ZFYVE28: variants seen among roughly 807,000 people sequenced by gnomAD.
ZFYVE28 encodes lateral signaling target protein 2 homolog.
In ZFYVE28, 40 loss-of-function variants were observed where a neutral mutation model predicts 82.1. The ratio of observed to expected loss-of-function variants is 0.49; its 90% confidence interval spans 0.38 to 0.63. ZFYVE28 has a LOEUF of 0.63. Among genes scored for constraint, ZFYVE28 ranks in the 30% least tolerant of loss-of-function variants. The pLI is 0.00. For missense variants in ZFYVE28, 1,321 were observed against 1,242.1 expected, an observed-to-expected ratio of 1.06 and a Z score of -0.96; for synonymous variants, 612 against 546.1, an observed-to-expected ratio of 1.12 and a Z score of -1.68.
At position 2,339,781 on chromosome 4, in the gene ZFYVE28, G is replaced by A. The variant is rs532455893; in HGVS notation, c.319-126C>T. On this transcript the variant is annotated intron_variant, in intron 3 of 12. Coordinates refer to ENST00000290974, the MANE Select transcript of ZFYVE28 (RefSeq NM_020972.3). This position sits in a 1 kb window ranked among gnomAD's most constrained non-coding sequence, Gnocchi z 5.0. ...CTCACCCCACAGCACAGGCCAGCTC[G>A]TGTTCCCGGTCCCCGCAGGAGGTTT... is the stretch of plus-strand genomic sequence containing the variant. 17 of 792,286 alleles carry A rather than the reference G, an allele frequency of 2.1e-5. No individual in the cohort carries two copies. Among genetic ancestry groups the A allele is most frequent in the East Asian group, 1.9e-4 (7 of 37,180 alleles). The allele number at this position is 792,286 out of a possible 1,614,324, so 49.1% of individuals were successfully genotyped here.
intron 1 of ZFYVE28, among the ~76,000 whole-genome samples, chr4:2,402,768 T>C (rs1323301981): frequency 6.6e-6 from 1 of 152,182 alleles, no homozygotes. Context: ...CCACATCTAA[T>C]GATACACCAG....
rs1314363243 is a variant in ZFYVE28, at chr4:2,362,309, C to T, written c.40-8236G>A. 6.6e-6 allele frequency among the ~76,000 whole-genome samples: 1 copy of T among 152,134 alleles called. No homozygotes were observed. Among genetic ancestry groups the T allele is most frequent in the African/African-American group, 2.4e-5 (1 of 41,416 alleles). On this transcript the variant is annotated intron_variant, in intron 1 of 12. Coordinates refer to ENST00000290974, the MANE Select transcript of ZFYVE28 (RefSeq NM_020972.3). This position sits in a 1 kb window ranked among gnomAD's most constrained non-coding sequence, Gnocchi z 5.1. Reference sequence around the variant, plus strand: ...TAAAGCCTGGGACTTCTCGCTCCAGCACCAGGAATCCAAGAGCATCGCAAA... The same window carrying T: ...TAAAGCCTGGGACTTCTCGCTCCAGTACCAGGAATCCAAGAGCATCGCAAA...
intron 7 of ZFYVE28, chr4:2,307,166 C>T (rs1181720804): frequency 2.0e-5 from 3 of 152,134 alleles, no homozygotes; most frequent in African/African-American, 2.4e-5. Flanking sequence ...CCAATGAAGT[C>T]GGTCACAGTT....
Position 2,319,574 on chromosome 4 carries a change from C to T in ZFYVE28, c.803+596G>A, listed in dbSNP as rs182961376. On this transcript the variant is annotated intron_variant, in intron 7 of 12. Coordinates refer to ENST00000290974, the MANE Select transcript of ZFYVE28 (RefSeq NM_020972.3). ...CCCAGGCCACAGAGCCAGGGTGGCA[C>T]ATGGAGGACATGTGCCATGGGCTTC... 5.0e-3 allele frequency among the ~76,000 whole-genome samples: 758 copies of T among 152,276 alleles called. 8 individuals carry two copies. The highest frequency in any genetic ancestry group is 0.017 in the African/African-American group (710 of 41,548).
intron 1 of ZFYVE28, among the ~76,000 whole-genome samples, chr4:2,402,250 G>A (rs921426756): frequency 2.6e-5 from 4 of 152,298 alleles, no homozygotes; most frequent in South Asian, 4.1e-4. Context: ...CCTGCTGGGT[G>A]GGCGGGGCCC....
Position 2,382,425 on chromosome 4 carries a change from C to T in ZFYVE28, c.40-28352G>A, listed in dbSNP as rs185178333. Among the ~76,000 whole-genome samples the T allele has an allele frequency of 3.6e-3, 545 of 152,338 alleles. 9 individuals carry two copies. The highest frequency in any genetic ancestry group is 0.011 in the African/African-American group (466 of 41,582). On this transcript the variant is annotated intron_variant, in intron 1 of 12. Transcript: ENST00000290974. ...GTCACAGGGGTGGAGCTGCCCAAGA[C>T]GATGGGAACCCACCTCTTGCACCAG...
chr4:2,307,516 T>C (rs747906808), intron 7 of ZFYVE28, among the ~76,000 whole-genome samples: 35 of 147,716 alleles, frequency 2.4e-4, no homozygotes, highest in Non-Finnish European at 4.9e-4. Flanking sequence ...TTTTAAGTCA[T>C]GGTCTTGCTC....
At chr4:2,398,692 G>GTA (rs1560337861) in intron 1 of ZFYVE28, among the ~76,000 whole-genome samples, 1 of 4,478 alleles carries the variant, frequency 2.2e-4, no homozygotes, top group African/African-American at 8.9e-4. Context: ...GGGCACAATG[G>GTA]GGGGTCGAGA....
intron 1 of ZFYVE28, among the ~76,000 whole-genome samples, chr4:2,412,163 G>A (rs1732590852): frequency 6.6e-6 from 1 of 152,276 alleles, no homozygotes; most frequent in Non-Finnish European, 1.5e-5. Flanking sequence ...CCAAGTACCC[G>A]CCACCTACCA....
At chr4:2,349,283 C>T (rs1018781810) in intron 2 of ZFYVE28, among the ~76,000 whole-genome samples, 6 of 147,828 alleles carry the variant, frequency 4.1e-5, no homozygotes, top group Non-Finnish European at 7.4e-5. Flanking sequence ...ATGCAAACAC[C>T]GCATATTCTC....
intron 7 of ZFYVE28, among the ~76,000 whole-genome samples, chr4:2,319,254 T>C (rs1718683717): frequency 6.6e-6 from 1 of 151,986 alleles, no homozygotes; most frequent in African/African-American, 2.4e-5. Flanking sequence ...GGTCCAGGGC[T>C]CACATCCCCC....
chr4:2,302,876 A>C (rs1475577661), intron 8 of ZFYVE28, among the ~76,000 whole-genome samples: 1 of 152,236 alleles, frequency 6.6e-6, no homozygotes, highest in East Asian at 1.9e-4. Flanking sequence ...CACACACCAC[A>C]GATGTTTCTC....
rs551164233 is a variant in ZFYVE28, at chr4:2,300,611, C to T, written c.2051+3678G>A. On this transcript the variant is annotated intron_variant, in intron 8 of 12. Transcript: ENST00000290974. This position sits in a 1 kb window ranked among gnomAD's most constrained non-coding sequence, Gnocchi z 4.6. ...TGCCAACCCACCTCCTGCGTGCATC[C>T]GTCCCCTGGCTGGTGGCTGGGAAGC... 3.9e-5 allele frequency among the ~76,000 whole-genome samples: 6 copies of T among 152,086 alleles called. No homozygotes were observed. The highest frequency in any genetic ancestry group is 9.7e-5 in the African/African-American group (4 of 41,398).
At chr4:2,292,434 G>A (rs1282496373) in intron 8 of ZFYVE28, among the ~76,000 whole-genome samples, 2 of 152,188 alleles carry the variant, frequency 1.3e-5, no homozygotes, top group Non-Finnish European at 2.9e-5. Flanking sequence ...GGGTCTACAA[G>A]CAGGTCCCCT....
At chr4:2,276,758 C>T (rs1277889292) in intron 8 of ZFYVE28, among the ~76,000 whole-genome samples, 1 of 151,898 alleles carries the variant, frequency 6.6e-6, no homozygotes, top group East Asian at 1.9e-4. Context: ...TGAGAGCCGT[C>T]ACGTTCATAC....
Position 2,300,812 on chromosome 4 carries a change from G to A in ZFYVE28, c.2051+3477C>T, listed in dbSNP as rs534528390. On this transcript the variant is annotated intron_variant, in intron 8 of 12. Transcript: ENST00000290974. The surrounding 1 kb of genome is among the most constrained non-coding windows in gnomAD (Gnocchi z 4.6). ...GCCGTGAATCAAGGCCGTGCCCACT[G>A]TTCCCTCTGAACCGTCCACGCCACA... is the stretch of plus-strand genomic sequence containing the variant. Among the ~76,000 whole-genome samples the A allele has an allele frequency of 6.6e-6, 1 of 152,294 alleles. No individual in the cohort carries two copies. The highest frequency in any genetic ancestry group is 2.4e-5 in the African/African-American group (1 of 41,560).
chr4:2,283,922 G>C (rs1422690583), intron 8 of ZFYVE28, among the ~76,000 whole-genome samples: 2 of 152,180 alleles, frequency 1.3e-5, no homozygotes, highest in African/African-American at 4.8e-5. Context: ...TGCTGGGAGA[G>C]ACCAGGCAGA....
chr4:2,304,240 C>T (rs777970163), intron 8 of ZFYVE28, 49 bp downstream of exon 8: 10 of 1,506,800 alleles, frequency 6.6e-6, no homozygotes, highest in East Asian at 4.5e-5. Flanking sequence ...GCACCTGCCC[C>T]CCAGTGCAGA....
chr4:2,337,406 C>A lies in ZFYVE28; in HGVS notation c.611+1G>T. ...CAGCCCCTAAGCATCCCTGTGCTCA[C>A]CTCTCCACCGTCTCGCAGAAGAGCA... On this transcript the variant is annotated splice_donor_variant, in intron 5 of 12. Coordinates refer to ENST00000290974, the MANE Select transcript of ZFYVE28 (RefSeq NM_020972.3). LOFTEE classifies it high-confidence loss of function. 6.2e-7 allele frequency: 1 copy of A among 1,601,486 alleles called. No homozygotes were observed. The highest frequency in any genetic ancestry group is 8.5e-7 in the Non-Finnish European group (1 of 1,173,324).
Sources: allele counts gnomAD v4.1 joint callset (sites outside exome capture counted in the v4.1 genomes callset), GRCh38; gene constraint gnomAD v4.1.1; non-coding constraint Gnocchi (gnomAD v3.1); transcripts MANE v1.5; gene names NCBI Gene and HGNC (gene_info 2026-07-23, HGNC 2026-07-21).